The following NOL4 variants were observed in gnomAD, a reference collection of about 807,000 sequenced individuals.
The protein encoded by NOL4 is nucleolar protein 4, also known as cancer/testis antigen 125.
A neutral mutation model predicts 75.9 loss-of-function variants in NOL4; 17 were observed. The observed-to-expected ratio is 0.22, with a 90% confidence interval of 0.15 to 0.34. NOL4 has a LOEUF of 0.34. Among genes scored for constraint, NOL4 ranks in the 10% least tolerant of loss-of-function variants. The pLI is 1.00. For missense variants in NOL4, 614 were observed against 793.5 expected, an observed-to-expected ratio of 0.77 and a Z score of 2.72; for synonymous variants, 292 against 289.9, an observed-to-expected ratio of 1.01 and a Z score of -0.07.
chr18:34,107,981 T>C (rs2079391140), intron 2 of NOL4, among the ~76,000 whole-genome samples: 2 of 152,134 alleles, frequency 1.3e-5, no homozygotes, highest in African/African-American at 4.8e-5. Flanking sequence ...CTCAAACCCA[T>C]GCAGCACAAC....
intron 5 of NOL4, among the ~76,000 whole-genome samples, chr18:34,090,946 C>T (rs534304639): frequency 6.6e-6 from 1 of 152,084 alleles, no homozygotes; most frequent in South Asian, 2.1e-4. Flanking sequence ...ATGTTTCTGT[C>T]CCATCCAAAA....
At chr18:34,066,801 T>A (rs774544840) in intron 5 of NOL4, among the ~76,000 whole-genome samples, 18 of 151,688 alleles carry the variant, frequency 1.2e-4, no homozygotes, top group Admixed American at 2.0e-4. Flanking sequence ...CTAACAATAA[T>A]TCCAAAACTC....
intron 2 of NOL4, among the ~76,000 whole-genome samples, chr18:34,113,999 C>T (rs1052818260): frequency 2.0e-5 from 3 of 152,104 alleles, no homozygotes; most frequent in African/African-American, 4.8e-5. Context: ...ATATCTTTCT[C>T]GCAATATGTA....
intron 6 of NOL4, among the ~76,000 whole-genome samples, chr18:33,962,237 T>C (rs762419668): frequency 6.6e-6 from 1 of 152,160 alleles, no homozygotes; most frequent in Non-Finnish European, 1.5e-5. Flanking sequence ...CCCACCCACA[T>C]GCTTTTAAAT....
chr18:34,093,388 G>A (rs2078617038), intron 5 of NOL4, 77 bp downstream of exon 5: 1 of 1,352,556 alleles, frequency 7.4e-7, no homozygotes, highest in Non-Finnish European at 1.0e-6. Context: ...AGAATTAAGA[G>A]GTAGTTGTTG....
intron 2 of NOL4, among the ~76,000 whole-genome samples, chr18:34,125,003 CTT>C (rs1465469010): frequency 6.6e-6 from 1 of 151,874 alleles, no homozygotes; most frequent in African/African-American, 2.4e-5. Context: ...TCACTCCTGA[CTT>C]AAGTTAAATT....
At chr18:33,880,316 T>A (rs955487636) in intron 10 of NOL4, among the ~76,000 whole-genome samples, 33 of 151,508 alleles carry the variant, frequency 2.2e-4, no homozygotes, top group Non-Finnish European at 4.1e-4. Flanking sequence ...TGTGTGTGTG[T>A]GTGTGTGTGT....
intron 1 of NOL4, among the ~76,000 whole-genome samples, chr18:34,214,983 T>TA (rs1439985902): frequency 6.6e-6 from 1 of 152,144 alleles, no homozygotes; most frequent in Non-Finnish European, 1.5e-5. Flanking sequence ...AATCAGAAAC[T>TA]AAAATGGCAC....
At chr18:34,146,721 T>C (rs1006931032) in intron 1 of NOL4, among the ~76,000 whole-genome samples, 4 of 151,798 alleles carry the variant, frequency 2.6e-5, no homozygotes, top group Non-Finnish European at 4.4e-5. Flanking sequence ...CCTTATGAAA[T>C]TTAAAGTAGT....
chr18:34,041,678 CT>C (rs1047929217), intron 5 of NOL4, among the ~76,000 whole-genome samples: 2 of 151,696 alleles, frequency 1.3e-5, no homozygotes, highest in Non-Finnish European at 3.0e-5. Context: ...TATAGATTTT[CT>C]TTTTTTTCTT....
At chr18:33,921,570 GAA>G (rs1276623481) in intron 9 of NOL4, among the ~76,000 whole-genome samples, 1 of 152,140 alleles carries the variant, frequency 6.6e-6, no homozygotes, top group African/African-American at 2.4e-5. Flanking sequence ...AGGAAGAGGA[GAA>G]GAGACACAGA....
chr18:34,129,429 C>T (rs2080533052), intron 2 of NOL4, among the ~76,000 whole-genome samples: 1 of 151,618 alleles, frequency 6.6e-6, no homozygotes. Flanking sequence ...AAATATTCCT[C>T]ATGACTTTAT....
chr18:34,168,187 G>A (rs2032623816), intron 1 of NOL4, among the ~76,000 whole-genome samples: 1 of 151,502 alleles, frequency 6.6e-6, no homozygotes, highest in African/African-American at 2.4e-5. Context: ...TGAACCTGTA[G>A]AATACCCAAA....
chr18:33,976,292 A>G (rs1385326581), intron 6 of NOL4, among the ~76,000 whole-genome samples: 1 of 152,136 alleles, frequency 6.6e-6, no homozygotes, highest in Non-Finnish European at 1.5e-5. Flanking sequence ...CATTCTGCAG[A>G]TTTCATTTAG....
intron 1 of NOL4, 60 bp from the exon 2 acceptor site, chr18:34,130,080 T>A: frequency 2.9e-6 from 4 of 1,400,746 alleles, no homozygotes; most frequent in Non-Finnish European, 3.8e-6. Context: ...TTGCATTTAA[T>A]ACACAAATTG....
chr18:34,003,148 T>C (rs1280555712), intron 6 of NOL4, among the ~76,000 whole-genome samples: 1 of 152,258 alleles, frequency 6.6e-6, no homozygotes, highest in East Asian at 1.9e-4. Context: ...TCTGTGAACT[T>C]CTTAAGAACA....
At chr18:34,016,617 TACTTGCCATTC>T (rs2144376896) in intron 6 of NOL4, among the ~76,000 whole-genome samples, 1 of 152,242 alleles carries the variant, frequency 6.6e-6, no homozygotes, top group South Asian at 2.1e-4. Context: ...GAATAACTCC[TACTTGCCATTC>T]CACACTCACC....
At chr18:34,190,477 T>G (rs538197119) in intron 1 of NOL4, among the ~76,000 whole-genome samples, 169 of 152,018 alleles carry the variant, frequency 1.1e-3, no homozygotes, top group Non-Finnish European at 1.6e-3. Flanking sequence ...TATTCAAAAT[T>G]TATATGAATA....
At chr18:33,889,486 G>A (rs1036690773) in intron 9 of NOL4, among the ~76,000 whole-genome samples, 1 of 152,020 alleles carries the variant, frequency 6.6e-6, no homozygotes, top group Admixed American at 6.6e-5. Flanking sequence ...CATTTCTTCT[G>A]AAACTATTTC....
Sources: gnomAD v4.1 joint callset for allele counts (sites outside exome capture counted in the v4.1 genomes callset) on GRCh38, gnomAD v4.1.1 for gene constraint, MANE v1.5 for transcripts, NCBI Gene and HGNC (gene_info 2026-07-23, HGNC 2026-07-21) for gene names.